GPC5: variants seen among roughly 807,000 people sequenced by gnomAD.
GPC5 encodes the protein glypican 5.
GPC5 carries 47 observed loss-of-function variants against 53.9 expected under a neutral mutation model. The observed-to-expected ratio is 0.87, with a 90% CI of 0.69 to 1.11. GPC5 has a LOEUF of 1.11. GPC5 is among the 50% of genes most tolerant of loss of function. The pLI, the probability that GPC5 is intolerant of heterozygous loss-of-function variation, is 0.00. For synonymous variants in GPC5, 286 were observed against 263.3 expected (o/e 1.09, Z -0.84); for missense variants, 748 against 713.1 (o/e 1.05, Z -0.56).
At chr13:91,959,100 ACAT>A (rs1566364080) in intron 6 of GPC5, among the ~76,000 whole-genome samples, 1 of 147,524 alleles carries the variant, frequency 6.8e-6, no homozygotes, top group African/African-American at 2.6e-5. Context: ...ACACACACAC[ACAT>A]CAATGATGAA....
At chr13:92,117,815 T>C (rs894417486) in intron 6 of GPC5, among the ~76,000 whole-genome samples, 3 of 152,234 alleles carry the variant, frequency 2.0e-5, no homozygotes. Flanking sequence ...ACAACCACCT[T>C]ACTAAACTCA....
intron 7 of GPC5, among the ~76,000 whole-genome samples, chr13:92,378,572 A>G (rs1409492580): frequency 6.6e-6 from 1 of 152,196 alleles, no homozygotes; most frequent in Admixed American, 6.5e-5. Context: ...GGAGCCAAGG[A>G]GACCTTTATT....
At chr13:92,492,811 A>G (rs763206814) in intron 7 of GPC5, among the ~76,000 whole-genome samples, 63 of 152,156 alleles carry the variant, frequency 4.1e-4, no homozygotes, top group Non-Finnish European at 7.9e-4. Flanking sequence ...TATAAATGCA[A>G]TGCCTAGTAA....
At chr13:91,625,157 G>T (rs2033965272) in intron 2 of GPC5, among the ~76,000 whole-genome samples, 1 of 151,490 alleles carries the variant, frequency 6.6e-6, no homozygotes, top group South Asian at 2.1e-4. Context: ...GAATGAGAAA[G>T]GGCATAAAAC....
At chr13:92,402,241 A>C (rs1875590531) in intron 7 of GPC5, among the ~76,000 whole-genome samples, 1 of 152,186 alleles carries the variant, frequency 6.6e-6, no homozygotes, top group African/African-American at 2.4e-5. Context: ...TCACTTATTA[A>C]TAGCAGCGAG....
At chr13:92,297,787 C>G (rs1011856130) in intron 7 of GPC5, among the ~76,000 whole-genome samples, 2 of 151,958 alleles carry the variant, frequency 1.3e-5, no homozygotes, top group African/African-American at 4.8e-5. Flanking sequence ...GCAACCCGCT[C>G]GGGTCCCCTT....
At chr13:92,847,398 T>C (rs1878647645) in intron 7 of GPC5, among the ~76,000 whole-genome samples, 1 of 152,118 alleles carries the variant, frequency 6.6e-6, no homozygotes, top group Non-Finnish European at 1.5e-5. Flanking sequence ...TCCTCAGTAT[T>C]GGAGGAGGGG....
intron 7 of GPC5, among the ~76,000 whole-genome samples, chr13:92,391,803 A>T (rs1223150847): frequency 6.6e-6 from 1 of 152,152 alleles, no homozygotes; most frequent in Non-Finnish European, 1.5e-5. Flanking sequence ...AACACATAGA[A>T]TCCCAGGCTA....
chr13:92,243,405 A>G lies in GPC5; in HGVS notation c.1561+98416A>G, dbSNP rs904875499. ...AAGAAGTAGATTAAAGAGAAGTCAG[A>G]GTAGAAATAACAGGACCAATTGGGA... is the stretch of plus-strand genomic sequence containing the variant. On this transcript the variant is annotated intron_variant, in intron 7 of 7. Coordinates refer to ENST00000377067, the MANE Select transcript of GPC5 (RefSeq NM_004466.6). Among the ~76,000 whole-genome samples, 14 of 152,206 alleles carry G rather than the reference A, an allele frequency of 9.2e-5. No individual in the cohort carries two copies. The South Asian group carries it at 1.9e-3, about 20-fold the overall frequency.
At chr13:91,912,970 C>T (rs1171350471) in intron 6 of GPC5, among the ~76,000 whole-genome samples, 3 of 152,154 alleles carry the variant, frequency 2.0e-5, no homozygotes, top group African/African-American at 4.8e-5. Flanking sequence ...GATCCTGAGA[C>T]ATACTGGTAT....
intron 2 of GPC5, among the ~76,000 whole-genome samples, chr13:91,654,633 T>G (rs1464992724): frequency 7.2e-5 from 11 of 152,190 alleles, no homozygotes; most frequent in Non-Finnish European, 1.6e-4. Context: ...TTTGACTTCA[T>G]TTTTTAATAG....
At chr13:92,528,144 A>G (rs1594279633) in intron 7 of GPC5, among the ~76,000 whole-genome samples, 2 of 152,090 alleles carry the variant, frequency 1.3e-5, no homozygotes, top group East Asian at 1.9e-4. Flanking sequence ...TCTGTGCTCA[A>G]TAGTGCCAAT....
chr13:91,652,291 T>C (rs777551228), intron 2 of GPC5, among the ~76,000 whole-genome samples: 9 of 152,338 alleles, frequency 5.9e-5, no homozygotes, highest in African/African-American at 1.9e-4. Context: ...TTTTTTTTCT[T>C]ATTTACAATT....
intron 6 of GPC5, among the ~76,000 whole-genome samples, chr13:91,974,575 C>G (rs967797242): frequency 8.6e-5 from 13 of 151,938 alleles, no homozygotes; most frequent in African/African-American, 2.9e-4. Context: ...ATGTGAAGGA[C>G]CTCTTCAAGG....
intron 5 of GPC5, among the ~76,000 whole-genome samples, chr13:91,902,994 C>G (rs1464925671): frequency 6.7e-6 from 1 of 149,392 alleles, no homozygotes; most frequent in African/African-American, 2.5e-5. Context: ...TACATACAAA[C>G]AGTAAAACAC....
chr13:91,411,501 G>A (rs1481865649), intron 1 of GPC5, among the ~76,000 whole-genome samples: 3 of 152,176 alleles, frequency 2.0e-5, no homozygotes, highest in Non-Finnish European at 4.4e-5. Flanking sequence ...GGCAGTTAAT[G>A]GGAGGCAGTA....
intron 2 of GPC5, among the ~76,000 whole-genome samples, chr13:91,655,929 A>G (rs891427335): frequency 1.3e-5 from 2 of 152,158 alleles, no homozygotes; most frequent in East Asian, 1.9e-4. Flanking sequence ...ACAGCACAGC[A>G]TTGTATCATT....
intron 2 of GPC5, among the ~76,000 whole-genome samples, chr13:91,475,136 A>G (rs534005826): frequency 1.3e-5 from 2 of 152,336 alleles, no homozygotes; most frequent in South Asian, 4.1e-4. Context: ...ATGAGGTGGC[A>G]AAAGCACATG....
intron 6 of GPC5, among the ~76,000 whole-genome samples, chr13:92,128,448 A>C (rs2041717416): frequency 6.6e-6 from 1 of 152,204 alleles, no homozygotes; most frequent in South Asian, 2.1e-4. Flanking sequence ...TCCTCAGAAT[A>C]TGTTGGTTGA....
Sources: gnomAD v4.1 joint callset for allele counts (sites outside exome capture counted in the v4.1 genomes callset) on GRCh38, gnomAD v4.1.1 for gene constraint, MANE v1.5 for transcripts, NCBI Gene and HGNC (gene_info 2026-07-23, HGNC 2026-07-21) for gene names.